RNF34: variants seen among roughly 807,000 people sequenced by gnomAD.
RNF34 encodes ring finger protein 34, also known as E3 ubiquitin-protein ligase RNF34.
In RNF34, 12 loss-of-function variants were observed where a neutral mutation model predicts 37.9. That is an observed-to-expected ratio of 0.32 (90% CI 0.20 to 0.51). The LOEUF (loss-of-function observed/expected upper bound fraction) is 0.51, where lower values mean the gene tolerates loss of function less well. Ranked by LOEUF, RNF34 falls within the 20% of genes least tolerant of loss-of-function variation. RNF34 has a pLI of 0.97. For missense variants in RNF34, 362 were observed against 472.7 expected, an observed-to-expected ratio of 0.77 and a Z score of 2.17; for synonymous variants, 155 against 177.2, an observed-to-expected ratio of 0.87 and a Z score of 1.00.
chr12:121,421,381 A>AAAC lies in RNF34; in HGVS notation c.928+605_928+606insCAA, dbSNP rs1566236065. 4.3e-4 allele frequency among the ~76,000 whole-genome samples: 62 copies of AAAC among 144,628 alleles called. 1 individual carries two copies. Among genetic ancestry groups the AAAC allele is most frequent in the Middle Eastern group, 3.4e-3 (1 of 290 alleles). 94.9% of individuals were successfully genotyped at this position (144,628 alleles called of 152,430 possible). A position where few individuals can be genotyped will look rare whatever the true frequency, so the allele number is the denominator to read the frequency against. On this transcript the variant is annotated intron_variant, in intron 5 of 5. Coordinates refer to ENST00000361234, the MANE Select transcript of RNF34 (RefSeq NM_025126.4). Reference sequence around the variant, plus strand: ...GAGAGATCCCATCTCTAAAAAAAAAAAAAAAAAAAAAAAAAAACCAAAAAA... The same window carrying AAAC: ...GAGAGATCCCATCTCTAAAAAAAAAAAACAAAAAAAAAAAAAAAAACCAAAAAA...
intron 1 of RNF34, chr12:121,409,913 T>G (rs1870886211): frequency 6.6e-6 from 1 of 152,232 alleles, no homozygotes; most frequent in Non-Finnish European, 1.5e-5. Context: ...CCCAGCACTT[T>G]GGGAAGCCGA....
chr12:121,419,703 G>T (rs1420634178), intron 3 of RNF34, among the ~76,000 whole-genome samples: 2 of 152,164 alleles, frequency 1.3e-5, no homozygotes, highest in African/African-American at 2.4e-5. Context: ...TTTCTAAAGT[G>T]TTCTGATTGA....
chr12:121,408,400 C>G (rs1361358016), intron 1 of RNF34, among the ~76,000 whole-genome samples: 1 of 152,054 alleles, frequency 6.6e-6, no homozygotes, highest in Non-Finnish European at 1.5e-5. Flanking sequence ...CAAGATCATA[C>G]CACCGCACTC....
Position 121,400,851 on chromosome 12 carries a change from G to A in RNF34, c.6+633G>A, listed in dbSNP as rs552061403. Among the ~76,000 whole-genome samples, 2 of 152,312 alleles carry A rather than the reference G, an allele frequency of 1.3e-5. 1 individual carries two copies. Among genetic ancestry groups the A allele is most frequent in the South Asian group, 4.1e-4 (2 of 4,830 alleles). ...CTCCAAGGTGGGAGTGAGAGCGTGG[G>A]AGCATTACTGATGAGAAGTTGAAGA... On this transcript the variant is annotated intron_variant, in intron 1 of 5. Transcript: ENST00000361234.
chr12:121,421,394 A>AC (rs1872142481), intron 5 of RNF34, among the ~76,000 whole-genome samples: 1 of 149,826 alleles, frequency 6.7e-6, no homozygotes, highest in African/African-American at 2.4e-5. Flanking sequence ...AAAAAAAAAA[A>AC]AAAACCAAAA....
In RNF34 at chr12:121,423,303, G is replaced by A; in HGVS notation, c.929-83G>A. 9.2e-7 allele frequency: 1 copy of A among 1,090,144 alleles called. No homozygotes were observed. The highest frequency in any genetic ancestry group is 1.3e-6 in the Non-Finnish European group (1 of 756,768). The allele number at this position is 1,090,144 out of a possible 1,614,324, so 67.5% of individuals were successfully genotyped here. ...GGCCTGCAGGGGTCATTCAGCAGGT[G>A]GCTGCTCAGCTTCGGACTGGGAGGG... On this transcript the variant is annotated intron_variant, in intron 5 of 5. Transcript: ENST00000361234. The surrounding 1 kb of genome is among the most constrained non-coding windows in gnomAD (Gnocchi z 4.3).
At chr12:121,420,905 G>C (rs1271800816) in intron 5 of RNF34, 127 bp downstream of exon 5, 1 of 688,422 alleles carries the variant, frequency 1.5e-6, no homozygotes, top group African/African-American at 1.8e-5. Flanking sequence ...CTGAGTATCA[G>C]TTAGTTACAT....
At chr12:121,421,400 C>CA (rs1218102187) in intron 5 of RNF34, among the ~76,000 whole-genome samples, 6 of 92,654 alleles carry the variant, frequency 6.5e-5, no homozygotes, top group African/African-American at 2.0e-4. Flanking sequence ...AAAAAAAAAC[C>CA]AAAAAAACCT....
intron 1 of RNF34, among the ~76,000 whole-genome samples, chr12:121,404,077 C>T (rs1344979428): frequency 2.7e-5 from 4 of 150,930 alleles, no homozygotes; most frequent in East Asian, 1.9e-4. Flanking sequence ...TGCAGTGGCA[C>T]GATCTCAGCT....
intron 1 of RNF34, among the ~76,000 whole-genome samples, chr12:121,406,819 A>G (rs1265317554): frequency 6.6e-6 from 1 of 152,222 alleles, no homozygotes; most frequent in Non-Finnish European, 1.5e-5. Context: ...ATAGGCAGAC[A>G]GTTGCCTCAT....
intron 1 of RNF34, 21 bp downstream of exon 1, chr12:121,400,239 G>A (rs1555279833): frequency 2.5e-6 from 4 of 1,607,520 alleles, no homozygotes; most frequent in African/African-American, 1.3e-5. Flanking sequence ...GGTGGAGCCG[G>A]ACAGACCCTC....
At chr12:121,422,103 G>A (rs543778079) in intron 5 of RNF34, among the ~76,000 whole-genome samples, 2 of 152,296 alleles carry the variant, frequency 1.3e-5, no homozygotes, top group South Asian at 4.1e-4. Flanking sequence ...TAGCAACTAT[G>A]TACAGTGCAC....
Position 121,417,428 on chromosome 12 carries a change from G to A in RNF34, c.226-76G>A, listed in dbSNP as rs1871675403. The A allele has an allele frequency of 7.6e-7, 1 of 1,307,688 alleles. No individual in the cohort carries two copies. Among genetic ancestry groups the A allele is most frequent in the Non-Finnish European group, 1.1e-6 (1 of 948,810 alleles). 81.0% of individuals were successfully genotyped at this position (1,307,688 alleles called of 1,614,324 possible). A position where few individuals can be genotyped will look rare whatever the true frequency, so the allele number is the denominator to read the frequency against. On this transcript the variant is annotated intron_variant, in intron 2 of 5. Coordinates refer to ENST00000361234, the MANE Select transcript of RNF34 (RefSeq NM_025126.4). This position sits in a 1 kb window ranked among gnomAD's most constrained non-coding sequence, Gnocchi z 5.0. Reference sequence around the variant, plus strand: ...CACTAAGAACTAAAATTAAATTTTAGTAGAAGGCAGAAAGAAAACTCATGC... The same window carrying A: ...CACTAAGAACTAAAATTAAATTTTAATAGAAGGCAGAAAGAAAACTCATGC...
chr12:121,417,186 T>C lies in RNF34; in HGVS notation c.226-318T>C, dbSNP rs1398054852. On this transcript the variant is annotated intron_variant, in intron 2 of 5. Coordinates refer to ENST00000361234, the MANE Select transcript of RNF34 (RefSeq NM_025126.4). The surrounding 1 kb of genome is among the most constrained non-coding windows in gnomAD (Gnocchi z 5.0). ...AAAAGACCAGGAAGTGTGATTCTGC[T>C]TTCTGCTCTGTGTGGTTCAAGCTCT... Among the ~76,000 whole-genome samples the C allele has an allele frequency of 2.6e-5, 4 of 152,242 alleles. No individual in the cohort carries two copies. The highest frequency in any genetic ancestry group is 9.6e-5 in the African/African-American group (4 of 41,462).
At chr12:121,416,640 T>C (rs529106684) in intron 2 of RNF34, 1 of 311,970 alleles carries the variant, frequency 3.2e-6, no homozygotes, top group East Asian at 6.9e-5. Context: ...ATTATGTTTA[T>C]TTCCAAAAGC....
At chr12:121,407,437 G>A (rs937053999) in intron 1 of RNF34, among the ~76,000 whole-genome samples, 25 of 152,318 alleles carry the variant, frequency 1.6e-4, no homozygotes, top group African/African-American at 5.5e-4. Flanking sequence ...CAGAGGTGGG[G>A]GTATGCCTAG....
rs1349682420 is a variant in RNF34 at position 121,413,608 on chromosome 12, C to T, written c.7-2551C>T. On this transcript the variant is annotated intron_variant, in intron 1 of 5. Coordinates refer to ENST00000361234, the MANE Select transcript of RNF34 (RefSeq NM_025126.4). The stretch of plus-strand genomic sequence containing the variant: ...TTTTTTTTTTTTTGAGATGGAGTCT[C>T]GCTTTGTTGCCCAGGCTGGAGTGCA... Among the ~76,000 whole-genome samples the T allele has an allele frequency of 2.4e-4, 30 of 126,580 alleles. No individual in the cohort carries two copies. The Middle Eastern group carries it at 0.032, about 133-fold the overall frequency. The allele number at this position is 126,580 out of a possible 152,430, so 83.0% of individuals were successfully genotyped here.
chr12:121,400,284 G>C, intron 1 of RNF34, 66 bp downstream of exon 1: 1 of 1,566,694 alleles, frequency 6.4e-7, no homozygotes. Flanking sequence ...CACCTGAAGC[G>C]CCTCCTTTCT....
rs1428570912 is a variant in RNF34 at position 121,417,826 on chromosome 12, A to G, written c.548A>G (p.Tyr183Cys). 6 of 1,614,164 alleles carry G rather than the reference A, an allele frequency of 3.7e-6. No homozygotes were observed. The highest frequency in any genetic ancestry group is 2.7e-5 in the African/African-American group (2 of 75,040). Residue 183 changes from tyrosine (Y) to cysteine (C), a missense_variant, in exon 3 of 6, where the codon TAT becomes TGT. Physicochemically the swap from Tyr to Cys is radical, Grantham distance 194. Transcript: ENST00000361234. This position sits in a 1 kb window ranked among gnomAD's most constrained non-coding sequence, Gnocchi z 5.0. ...TTTACACGTTCGTTTTTTTCAAACT[A>G]TACAGCCCCCTCTGCTACTATGTCT... ...SFFTRSFFSN[Y>C]TAPSATMSSF...
Sources: gnomAD v4.1 joint callset for allele counts (sites outside exome capture counted in the v4.1 genomes callset) on GRCh38, gnomAD v4.1.1 for gene constraint, Gnocchi (gnomAD v3.1) non-coding constraint, MANE v1.5 for transcripts, NCBI Gene and HGNC (gene_info 2026-07-23, HGNC 2026-07-21) for gene names.